Variants in PTER observed in about 807,000 individuals in gnomAD.
PTER encodes phosphotriesterase related.
Under a neutral mutation model 29.6 loss-of-function variants are expected in PTER, and 38 were observed. That is an observed-to-expected ratio of 1.28 (90% confidence interval 0.99 to 1.68). The LOEUF (loss-of-function observed/expected upper bound fraction) is 1.68. Among genes scored for constraint, PTER ranks in the 40% most tolerant of loss-of-function variants. PTER has a pLI of 0.00. For missense variants in PTER, 482 were observed against 427.8 expected (o/e 1.13, Z -1.12); for synonymous variants, 172 against 154.5 (o/e 1.11, Z -0.84).
intron 3 of PTER, among the ~76,000 whole-genome samples, chr10:16,499,537 G>A (rs1836250284): frequency 2.6e-5 from 4 of 151,988 alleles, no homozygotes; most frequent in African/African-American, 9.7e-5. Context: ...AACTTCCCGG[G>A]CTCCAACAAT....
chr10:16,498,695 T>C (rs995279170), intron 3 of PTER, among the ~76,000 whole-genome samples: 47 of 152,216 alleles, frequency 3.1e-4, no homozygotes, highest in Admixed American at 1.4e-3. Flanking sequence ...TATGAGATCA[T>C]TGGTGACTGG....
chr10:16,479,374 A>G (rs1472992074), intron 1 of PTER, among the ~76,000 whole-genome samples: 3 of 152,200 alleles, frequency 2.0e-5, no homozygotes. Context: ...ACTGTGTCCA[A>G]GGAGGGACTC....
downstream of PTER, among the ~76,000 whole-genome samples, chr10:16,516,905 G>A (rs79787428): frequency 0.016 from 2,429 of 152,192 alleles, 62 homozygotes; most frequent in African/African-American, 0.055. Flanking sequence ...AACCTATACT[G>A]TACCGTAAGA....
intron 1 of PTER, among the ~76,000 whole-genome samples, chr10:16,481,635 A>C (rs1835484255): frequency 6.6e-6 from 1 of 152,064 alleles, no homozygotes; most frequent in African/African-American, 2.4e-5. Flanking sequence ...AGAAGGGATG[A>C]CATTTCTTAA....
chr10:16,490,238 G>A (rs1334523596), intron 3 of PTER, among the ~76,000 whole-genome samples: 6 of 152,078 alleles, frequency 3.9e-5, no homozygotes, highest in Non-Finnish European at 8.8e-5. Flanking sequence ...AGTGGAAAAC[G>A]GAATGTTTCT....
At chr10:16,474,110 G>C (rs1358313209) in intron 1 of PTER, among the ~76,000 whole-genome samples, 1 of 152,100 alleles carries the variant, frequency 6.6e-6, no homozygotes. Context: ...CCAGCTACTT[G>C]AGAGGCTGAG....
intron 3 of PTER, among the ~76,000 whole-genome samples, chr10:16,503,289 C>T (rs538944094): frequency 6.6e-6 from 1 of 151,618 alleles, no homozygotes; most frequent in African/African-American, 2.4e-5. Flanking sequence ...TGCAATGGCA[C>T]GATCTCAGCT....
At chr10:16,481,983 A>T (rs377673569) in intron 1 of PTER, among the ~76,000 whole-genome samples, 2 of 152,306 alleles carry the variant, frequency 1.3e-5, no homozygotes, top group East Asian at 3.9e-4. Flanking sequence ...ATCCATCATC[A>T]TTGGAAAATA....
chr10:16,486,457 G>A lies in PTER; in HGVS notation c.538G>A (p.Glu180Lys). 1.2e-6 allele frequency: 2 copies of A among 1,614,082 alleles called. No homozygotes were observed. The highest frequency in any genetic ancestry group is 1.7e-6 in the Non-Finnish European group (2 of 1,179,974). ...TTGCTCCTGGCCTTTGACTGAGAGT[G>A]AAAGAAAGGTTCTCCAGGCCACAGC... ...IGCSWPLTES[E>K]RKVLQATAHA... Residue 180 changes from glutamate (E) to lysine (K), a missense_variant, in exon 3 of 5, where the codon GAA becomes AAA. Coordinates refer to ENST00000535784, the MANE Select transcript of PTER (RefSeq NM_001261836.2).
chr10:16,474,866 G>A (rs1387838920), intron 1 of PTER, among the ~76,000 whole-genome samples: 2 of 152,102 alleles, frequency 1.3e-5, no homozygotes, highest in African/African-American at 2.4e-5. Flanking sequence ...CAGCCTGGGT[G>A]ACAAAGTGAG....
chr10:16,504,916 A>C, intron 3 of PTER, 104 bp from the exon 4 acceptor site: 2 of 1,326,290 alleles, frequency 1.5e-6, no homozygotes, highest in Non-Finnish European at 2.1e-6. Context: ...ACTCGACTTC[A>C]ACTATGTTCT....
At chr10:16,505,253 G>A (rs1588631946) in intron 4 of PTER, 93 bp downstream of exon 4, 2 of 1,484,064 alleles carry the variant, frequency 1.3e-6, no homozygotes, top group East Asian at 4.6e-5. Flanking sequence ...TCAGAAAACA[G>A]TAAGCAGGCC....
At chr10:16,462,239 G>T (rs1404858945) in intron 1 of PTER, among the ~76,000 whole-genome samples, 3 of 152,124 alleles carry the variant, frequency 2.0e-5, no homozygotes, top group Non-Finnish European at 2.9e-5. Flanking sequence ...ACCCGCCTCG[G>T]CCTCCCAAAG....
intron 3 of PTER, chr10:16,486,904 G>T: frequency 3.5e-6 from 1 of 282,732 alleles, no homozygotes; most frequent in Non-Finnish European, 6.7e-6. Context: ...CATAACAGGT[G>T]TCACTGTCTA....
chr10:16,486,684 C>T, intron 3 of PTER, 67 bp downstream of exon 3: 1 of 1,491,274 alleles, frequency 6.7e-7, no homozygotes, highest in Non-Finnish European at 9.1e-7. Context: ...AATTAAGAAT[C>T]TACAGTAATC....
chr10:16,455,994 C>T (rs751127881), intron 1 of PTER, among the ~76,000 whole-genome samples: 2 of 152,138 alleles, frequency 1.3e-5, no homozygotes, highest in African/African-American at 2.4e-5. Context: ...TTCTCCCAGG[C>T]CAACAGAAAC....
At chr10:16,481,230 C>T (rs1835469007) in intron 1 of PTER, among the ~76,000 whole-genome samples, 1 of 152,232 alleles carries the variant, frequency 6.6e-6, no homozygotes, top group South Asian at 2.1e-4. Flanking sequence ...TTAAGCCTCT[C>T]AGGCATACTC....
At chr10:16,484,123 A>T (rs1488361942) in intron 1 of PTER, among the ~76,000 whole-genome samples, 1 of 152,160 alleles carries the variant, frequency 6.6e-6, no homozygotes, top group Admixed American at 6.5e-5. Context: ...TCCCAGTAGA[A>T]GGGGTGGGAG....
intron 1 of PTER, among the ~76,000 whole-genome samples, chr10:16,460,168 G>A (rs917301581): frequency 2.0e-5 from 3 of 152,166 alleles, no homozygotes; most frequent in African/African-American, 7.2e-5. Flanking sequence ...GGCTTGTTTC[G>A]TGTCATTCAG....
Sources: allele counts gnomAD v4.1 joint callset (sites outside exome capture counted in the v4.1 genomes callset), GRCh38; gene constraint gnomAD v4.1.1; transcripts MANE v1.5; gene names NCBI Gene and HGNC (gene_info 2026-07-23, HGNC 2026-07-21).